The following SORCS3 variants were observed in gnomAD, a reference collection of about 807,000 sequenced individuals.
The protein encoded by SORCS3 is VPS10 domain-containing receptor SorCS3.
In SORCS3, 57 loss-of-function variants were observed where a neutral mutation model predicts 146.3. The observed-to-expected ratio is 0.39, with a 90% CI of 0.31 to 0.49. The LOEUF is 0.49. SORCS3 is among the 20% of genes least tolerant of loss of function. SORCS3 has a pLI of 0.92. For synonymous variants in SORCS3, 653 were observed against 618.5 expected, an observed-to-expected ratio of 1.06 and a Z score of -0.83; for missense variants, 1,341 against 1,575.5, an observed-to-expected ratio of 0.85 and a Z score of 2.52.
intron 7 of SORCS3, among the ~76,000 whole-genome samples, chr10:105,136,483 A>G (rs2056059693): frequency 6.6e-6 from 1 of 152,214 alleles, no homozygotes; most frequent in Non-Finnish European, 1.5e-5. Context: ...CAAACCACAG[A>G]ACCAGCATTG....
Position 104,656,780 on chromosome 10 carries a change from T to G in SORCS3, c.627+14826T>G, listed in dbSNP as rs568038457. ...CATTAAAAAATCACTCTGATCACCC[T>G]GTGGGTTAGAGGGAAAAAAGGATGA... is the stretch of plus-strand genomic sequence containing the variant. On this transcript the variant is annotated intron_variant, in intron 1 of 26. Coordinates refer to ENST00000369701, the MANE Select transcript of SORCS3 (RefSeq NM_014978.3). Among the ~76,000 whole-genome samples, 105 of 152,316 alleles carry G rather than the reference T, an allele frequency of 6.9e-4. No homozygotes were observed. In the Middle Eastern group the frequency reaches 0.014, roughly 20 times the overall value.
intron 14 of SORCS3, among the ~76,000 whole-genome samples, chr10:105,195,208 C>T (rs939456193): frequency 2.6e-5 from 4 of 152,172 alleles, no homozygotes; most frequent in African/African-American, 9.7e-5. Flanking sequence ...GAGAAGTGTG[C>T]TGTACCTATT....
intron 1 of SORCS3, among the ~76,000 whole-genome samples, chr10:104,723,569 G>T (rs1294142555): frequency 2.0e-5 from 3 of 152,156 alleles, no homozygotes; most frequent in African/African-American, 7.2e-5. Context: ...GTCTAATGTT[G>T]ACAGTGGGGT....
At position 105,214,330 on chromosome 10, in the gene SORCS3, C is replaced by T. The variant is rs1307396958; in HGVS notation, c.2376-112C>T. On this transcript the variant is annotated intron_variant, in intron 17 of 26. Transcript: ENST00000369701. ...TTTCCAGGGGCCGCTGTGTGAAGCA[C>T]CTGTTTTGCTCTTGCTCTCTTACAT... is the stretch of plus-strand genomic sequence containing the variant. The T allele has an allele frequency of 2.6e-6, 3 of 1,166,444 alleles. No homozygotes were observed. In the African/African-American group the frequency reaches 4.6e-5, roughly 18 times the overall value. 72.3% of individuals were successfully genotyped at this position (1,166,444 alleles called of 1,614,324 possible). A position where few individuals can be genotyped will look rare whatever the true frequency, so the allele number is the denominator to read the frequency against.
chr10:105,050,683 A>G (rs1364931312), intron 5 of SORCS3, among the ~76,000 whole-genome samples: 1 of 152,162 alleles, frequency 6.6e-6, no homozygotes, highest in East Asian at 1.9e-4. Flanking sequence ...AAACAGTGAG[A>G]CAATACGTAT....
At position 105,216,972 on chromosome 10, in the gene SORCS3, G is replaced by A. The variant is rs2056668774; in HGVS notation, c.2584G>A (p.Gly862Arg). Residue 862 changes from glycine (G) to arginine (R), a missense_variant, in exon 19 of 27, where the codon GGG becomes AGG. Transcript: ENST00000369701. ...AAGGACAAACATCCAGCTTGACTTT[G>A]GGGATGGGATTGCTGTGTCCTACGC... The part of the protein sequence containing the change: ...LQRTNIQLDF[G>R]DGIAVSYANF... 1 of 1,614,020 alleles carries A rather than the reference G, an allele frequency of 6.2e-7. No individual in the cohort carries two copies. Among genetic ancestry groups the A allele is most frequent in the Non-Finnish European group, 8.5e-7 (1 of 1,180,028 alleles).
rs866829069 is a variant in SORCS3, at chr10:105,105,481, C to T, written c.1178C>T (p.Ser393Phe). ...GPFARSIDISSLVVQDEYIFI... is the reference protein window; with the variant it reads ...GPFARSIDISFLVVQDEYIFI... ...TTTGCCCGCTCCATTGACATCAGTT[C>T]CCTGGTTGTCCAGGATGAATATATC... The change falls in exon 7 of 27, where the codon TCC becomes TTC. Residue 393 changes from serine to phenylalanine, a missense_variant. Physicochemically the swap from Ser to Phe is radical, Grantham distance 155. Coordinates refer to ENST00000369701, the MANE Select transcript of SORCS3 (RefSeq NM_014978.3). 1 of 1,613,256 alleles carries T rather than the reference C, an allele frequency of 6.2e-7. No homozygotes were observed. Among genetic ancestry groups the T allele is most frequent in the Non-Finnish European group, 8.5e-7 (1 of 1,179,292 alleles).
intron 20 of SORCS3, among the ~76,000 whole-genome samples, chr10:105,239,120 T>A (rs1352979758): frequency 6.6e-6 from 1 of 152,192 alleles, no homozygotes; most frequent in Non-Finnish European, 1.5e-5. Flanking sequence ...ACTAGTTTAG[T>A]TGAGTTTTAG....
intron 1 of SORCS3, among the ~76,000 whole-genome samples, chr10:104,737,843 C>A (rs1328372490): frequency 6.7e-6 from 1 of 149,062 alleles, no homozygotes; most frequent in African/African-American, 2.5e-5. Flanking sequence ...GACATGAAGT[C>A]CTTGCCCACG....
Position 105,143,739 on chromosome 10 carries a change from G to A in SORCS3, c.1303-3878G>A, listed in dbSNP as rs957184204. Among the ~76,000 whole-genome samples, 28 of 152,226 alleles carry A rather than the reference G, an allele frequency of 1.8e-4. No individual in the cohort carries two copies. The East Asian group carries it at 4.8e-3, about 26-fold the overall frequency. On this transcript the variant is annotated intron_variant, in intron 8 of 26. Transcript: ENST00000369701. ...CTATTTAATTATAATTGTAATGAGTGCTATAAAGGAAAAGAGGAGTTTCAT... is the reference window on the plus strand; with the variant it reads ...CTATTTAATTATAATTGTAATGAGTACTATAAAGGAAAAGAGGAGTTTCAT...
intron 2 of SORCS3, among the ~76,000 whole-genome samples, chr10:104,872,565 G>T (rs915646565): frequency 1.0e-4 from 6 of 57,924 alleles, no homozygotes; most frequent in East Asian, 2.6e-3. Flanking sequence ...TCCTCATTTT[G>T]ATTTTTTTTT....
chr10:104,658,574 C>G (rs934561503), intron 1 of SORCS3, among the ~76,000 whole-genome samples: 4 of 152,126 alleles, frequency 2.6e-5, no homozygotes, highest in Admixed American at 2.0e-4. Context: ...ATGGTGGTCT[C>G]GAACTCCTGA....
chr10:104,733,701 C>T (rs2016735305), intron 1 of SORCS3, among the ~76,000 whole-genome samples: 1 of 152,022 alleles, frequency 6.6e-6, no homozygotes, highest in South Asian at 2.1e-4. Flanking sequence ...GTGTTTTTCC[C>T]TCAGCTTTCC....
intron 3 of SORCS3, among the ~76,000 whole-genome samples, chr10:104,938,387 C>G (rs543742878): frequency 3.3e-5 from 5 of 152,270 alleles, no homozygotes; most frequent in African/African-American, 1.2e-4. Context: ...GGATTCAGGC[C>G]AAACTCCACA....
At chr10:105,057,455 G>A (rs1402834217) in intron 5 of SORCS3, among the ~76,000 whole-genome samples, 1 of 152,092 alleles carries the variant, frequency 6.6e-6, no homozygotes, top group Non-Finnish European at 1.5e-5. Flanking sequence ...TAATTCCATA[G>A]CGTAGACACT....
rs2015417367 is a variant in SORCS3 at position 104,641,612 on chromosome 10, C to T, written c.285C>T (p.Gly95=). 2.0e-6 allele frequency: 3 copies of T among 1,517,862 alleles called. No homozygotes were observed. The highest frequency in any genetic ancestry group is 1.2e-5 in the South Asian group (1 of 81,960). The allele number at this position is 1,517,862 out of a possible 1,614,324, so 94.0% of individuals were successfully genotyped here. A position where few individuals can be genotyped will look rare whatever the true frequency, so the allele number is the denominator to read the frequency against. The part of the protein sequence containing the change: ...AGPELLPQQG[G]GRGGEMQVEA... ...CAGAGCTGCTGCCCCAGCAGGGCGGCGGCAGAGGCGGTGAGATGCAGGTGG... is the reference window on the plus strand; with the variant it reads ...CAGAGCTGCTGCCCCAGCAGGGCGGTGGCAGAGGCGGTGAGATGCAGGTGG... Residue 95 remains glycine (G), a synonymous_variant, in exon 1 of 27, where the codon GGC becomes GGT. Coordinates refer to ENST00000369701, the MANE Select transcript of SORCS3 (RefSeq NM_014978.3). This position sits in a 1 kb window ranked among gnomAD's most constrained non-coding sequence, Gnocchi z 6.4.
At chr10:104,714,703 G>A (rs537461324) in intron 1 of SORCS3, among the ~76,000 whole-genome samples, 150 of 152,300 alleles carry the variant, frequency 9.8e-4, no homozygotes, top group Non-Finnish European at 1.6e-3. Context: ...TTCCATGCCA[G>A]CTTGAGAAGA....
intron 4 of SORCS3, among the ~76,000 whole-genome samples, chr10:104,985,822 G>A: frequency 6.6e-6 from 1 of 152,082 alleles, no homozygotes; most frequent in African/African-American, 2.4e-5. Context: ...TTTTTTCTTA[G>A]TAGTAGGTCT....
chr10:105,105,652 C>T, intron 7 of SORCS3, 137 bp downstream of exon 7: 2 of 695,668 alleles, frequency 2.9e-6, no homozygotes, highest in Admixed American at 4.0e-5. Flanking sequence ...TTCAGGGACC[C>T]AGTCCTCTGG....
Sources: allele counts gnomAD v4.1 joint callset (sites outside exome capture counted in the v4.1 genomes callset), GRCh38; gene constraint gnomAD v4.1.1; non-coding constraint Gnocchi (gnomAD v3.1); transcripts MANE v1.5; gene names NCBI Gene and HGNC (gene_info 2026-07-23, HGNC 2026-07-21).